Variants in SRGAP2 observed in about 807,000 individuals in gnomAD.
SRGAP2 encodes the protein SLIT-ROBO Rho GTPase activating protein 2.
A neutral mutation model predicts 57.2 loss-of-function variants in SRGAP2; 15 were observed. The ratio of observed to expected loss-of-function variants is 0.26; its 90% confidence interval spans 0.18 to 0.40. SRGAP2 has a LOEUF of 0.40. Among genes scored for constraint, SRGAP2 ranks in the 10% least tolerant of loss-of-function variants. SRGAP2 has a pLI of 1.00. For missense variants in SRGAP2, 520 were observed against 669.6 expected, an observed-to-expected ratio of 0.78 and a Z score of 2.47; for synonymous variants, 249 against 248.0, an observed-to-expected ratio of 1.00 and a Z score of -0.04.
chr1:206,410,528 C>T (rs1055054624), intron 10 of SRGAP2, among the ~76,000 whole-genome samples: 14 of 152,262 alleles, frequency 9.2e-5, no homozygotes, highest in African/African-American at 3.4e-4. Flanking sequence ...TCTTCTGTGT[C>T]CTTCCAGAGA....
intron 4 of SRGAP2, among the ~76,000 whole-genome samples, chr1:206,367,315 G>A (rs1654103469): frequency 6.6e-6 from 1 of 152,102 alleles, no homozygotes; most frequent in African/African-American, 2.4e-5. Flanking sequence ...GTAATTATTA[G>A]GTGCTTACTA....
intron 2 of SRGAP2, among the ~76,000 whole-genome samples, chr1:206,231,556 T>C (rs1439959556): frequency 6.6e-6 from 1 of 151,340 alleles, no homozygotes; most frequent in African/African-American, 2.4e-5. Flanking sequence ...TTTTTTTTTT[T>C]AGACAGAGTC....
chr1:206,306,551 C>T (rs1672212967), intron 3 of SRGAP2, among the ~76,000 whole-genome samples: 2 of 152,058 alleles, frequency 1.3e-5, no homozygotes, highest in African/African-American at 4.8e-5. Context: ...GGAAGGGGAC[C>T]CGAGCGGGTT....
intron 21 of SRGAP2, among the ~76,000 whole-genome samples, chr1:206,457,262 TTA>T (rs1431011489): frequency 1.3e-5 from 2 of 152,034 alleles, no homozygotes; most frequent in Non-Finnish European, 2.9e-5. Flanking sequence ...TTCTACACAT[TTA>T]TTAAGTATCT....
chr1:206,394,041 T>TC (rs1657312292), intron 7 of SRGAP2, among the ~76,000 whole-genome samples: 1 of 78,396 alleles, frequency 1.3e-5, no homozygotes, highest in African/African-American at 6.1e-5. Context: ...TTTCTTCCTT[T>TC]TTTTTTTTTT....
At chr1:206,391,788 G>A (rs1657000788) in intron 5 of SRGAP2, among the ~76,000 whole-genome samples, 2 of 152,000 alleles carry the variant, frequency 1.3e-5, no homozygotes, top group Admixed American at 1.3e-4. Context: ...GAAGTAGTAT[G>A]TTTAGTAGGA....
At chr1:206,328,361 T>G (rs1203519456) in intron 3 of SRGAP2, among the ~76,000 whole-genome samples, 2 of 104,844 alleles carry the variant, frequency 1.9e-5, no homozygotes, top group Non-Finnish European at 3.7e-5. Flanking sequence ...TTTCTAGTTC[T>G]AGATCCCTGA....
chr1:206,268,724 A>G (rs1394132174), intron 2 of SRGAP2, among the ~76,000 whole-genome samples: 1 of 133,764 alleles, frequency 7.5e-6, no homozygotes, highest in Non-Finnish European at 1.6e-5. Context: ...GTATTAGTAT[A>G]AAGATAACCA....
At chr1:206,429,374 T>C (rs1661092702) in intron 13 of SRGAP2, among the ~76,000 whole-genome samples, 1 of 152,238 alleles carries the variant, frequency 6.6e-6, no homozygotes, top group African/African-American at 2.4e-5. Flanking sequence ...TGAGCACCTC[T>C]TATGTGAGAG....
chr1:206,425,388 A>G (rs1195007149), intron 13 of SRGAP2, among the ~76,000 whole-genome samples: 2 of 152,234 alleles, frequency 1.3e-5, no homozygotes, highest in African/African-American at 4.8e-5. Context: ...TGTATTGGGA[A>G]CATTCCAAAT....
At chr1:206,210,403 C>CT (rs71568077) in intron 2 of SRGAP2, among the ~76,000 whole-genome samples, 479 of 31,792 alleles carry the variant, frequency 0.015, 39 homozygotes, top group African/African-American at 0.03. Context: ...GGGGTCTTGT[C>CT]TTTTTTTTTT....
intron 10 of SRGAP2, among the ~76,000 whole-genome samples, chr1:206,413,821 A>G (rs564829307): frequency 3.3e-5 from 5 of 152,286 alleles, no homozygotes; most frequent in Admixed American, 6.5e-5. Flanking sequence ...CTGTATGAGA[A>G]GTGCTGTCAT....
At chr1:206,452,801 G>A (rs549252509) in intron 19 of SRGAP2, among the ~76,000 whole-genome samples, 3 of 149,510 alleles carry the variant, frequency 2.0e-5, no homozygotes, top group African/African-American at 4.9e-5. Context: ...CAGGAGAATC[G>A]CGTAAACCCG....
At chr1:206,283,765 C>G (rs1670869484) in intron 2 of SRGAP2, among the ~76,000 whole-genome samples, 2 of 144,574 alleles carry the variant, frequency 1.4e-5, no homozygotes, top group South Asian at 2.3e-4. Context: ...CTTTTATAGA[C>G]TATTATAAAG....
chr1:206,424,773 A>G (rs1398279485), intron 13 of SRGAP2, among the ~76,000 whole-genome samples: 1 of 152,238 alleles, frequency 6.6e-6, no homozygotes, highest in Non-Finnish European at 1.5e-5. Context: ...AAATTAATTT[A>G]CTCATTGCTC....
chr1:206,332,892 T>A (rs1388511128), intron 3 of SRGAP2, among the ~76,000 whole-genome samples: 1 of 151,552 alleles, frequency 6.6e-6, no homozygotes, highest in East Asian at 1.9e-4. Context: ...GCTCTGCATT[T>A]TAGAGTTTCC....
intron 3 of SRGAP2, among the ~76,000 whole-genome samples, chr1:206,341,725 C>T (rs145662346): frequency 4.6e-5 from 7 of 152,196 alleles, no homozygotes; most frequent in South Asian, 2.1e-4. Flanking sequence ...GGGCTGGGCG[C>T]GGTGGCTCAC....
intron 17 of SRGAP2, among the ~76,000 whole-genome samples, chr1:206,442,929 T>G (rs1553372561): frequency 1.3e-5 from 2 of 152,202 alleles, no homozygotes; most frequent in Non-Finnish European, 2.9e-5. Context: ...GTACTTTATT[T>G]CTGGCTACTG....
At chr1:206,267,030 G>A (rs1332365778) in intron 2 of SRGAP2, among the ~76,000 whole-genome samples, 27 of 146,062 alleles carry the variant, frequency 1.8e-4, no homozygotes, top group Admixed American at 8.9e-4. Flanking sequence ...GTGCAGTGGC[G>A]CAATCTTGGC....
Sources: gnomAD v4.1 joint callset for allele counts (sites outside exome capture counted in the v4.1 genomes callset) on GRCh38, gnomAD v4.1.1 for gene constraint, MANE v1.5 for transcripts, NCBI Gene and HGNC (gene_info 2026-07-23, HGNC 2026-07-21) for gene names.